CNTNAP5: variants seen among roughly 807,000 people sequenced by gnomAD.
CNTNAP5 encodes contactin associated protein family member 5.
A neutral mutation model predicts 150.2 loss-of-function variants in CNTNAP5; 72 were observed. That is an observed-to-expected ratio of 0.48 (90% confidence interval 0.40 to 0.58). The LOEUF is 0.58. Ranked by LOEUF, CNTNAP5 falls within the 20% of genes least tolerant of loss-of-function variation. CNTNAP5 has a pLI of 0.00. For missense variants in CNTNAP5, 1,636 were observed against 1,626.2 expected (o/e 1.01, Z -0.10); for synonymous variants, 672 against 619.8 (o/e 1.08, Z -1.25).
intron 1 of CNTNAP5, among the ~76,000 whole-genome samples, chr2:124,155,855 C>G (rs893587028): frequency 1.3e-5 from 2 of 152,166 alleles, no homozygotes; most frequent in Non-Finnish European, 2.9e-5. Flanking sequence ...ATCTGTGATA[C>G]TTCAGGGAAA....
rs548043190 is a variant in CNTNAP5 at position 124,769,648 on chromosome 2, T to G, written c.2534-3151T>G. 1.4e-4 allele frequency among the ~76,000 whole-genome samples: 22 copies of G among 152,324 alleles called. 1 individual carries two copies. In the South Asian group the frequency reaches 4.6e-3, roughly 32 times the overall value. On this transcript the variant is annotated intron_variant, in intron 16 of 23. Coordinates refer to ENST00000682447, the MANE Select transcript of CNTNAP5 (RefSeq NM_001367498.1). The stretch of plus-strand genomic sequence containing the variant: ...GGGCCACAGTGGGATGTATCATTCA[T>G]TCTCTCACATTGTTTTCAGGCATCT...
intron 6 of CNTNAP5, among the ~76,000 whole-genome samples, chr2:124,452,858 A>T (rs2104812474): frequency 6.6e-6 from 1 of 152,268 alleles, no homozygotes; most frequent in East Asian, 1.9e-4. Flanking sequence ...ACCCAGTGGG[A>T]CATAAGGAAC....
chr2:124,864,159 C>A (rs1294275361), intron 19 of CNTNAP5, among the ~76,000 whole-genome samples: 1 of 152,160 alleles, frequency 6.6e-6, no homozygotes, highest in Non-Finnish European at 1.5e-5. Flanking sequence ...AGTAGCATCT[C>A]AACAACTTAT....
At chr2:124,266,345 T>C (rs1418215684) in intron 3 of CNTNAP5, among the ~76,000 whole-genome samples, 2 of 152,180 alleles carry the variant, frequency 1.3e-5, no homozygotes, top group Non-Finnish European at 2.9e-5. Flanking sequence ...TATATTAAAC[T>C]GAGTGGATGA....
At chr2:124,566,054 C>T (rs183245685) in intron 11 of CNTNAP5, among the ~76,000 whole-genome samples, 43 of 151,458 alleles carry the variant, frequency 2.8e-4, no homozygotes, top group Non-Finnish European at 5.7e-4. Flanking sequence ...CCAGTAAACA[C>T]CAATCTCTAG....
At chr2:124,378,773 T>A (rs1248672239) in intron 3 of CNTNAP5, among the ~76,000 whole-genome samples, 1 of 152,168 alleles carries the variant, frequency 6.6e-6, no homozygotes, top group Non-Finnish European at 1.5e-5. Context: ...TGTTGGATGA[T>A]GCTCGTATCG....
At chr2:124,710,012 A>G (rs1257184626) in intron 13 of CNTNAP5, among the ~76,000 whole-genome samples, 1 of 146,856 alleles carries the variant, frequency 6.8e-6, no homozygotes, top group African/African-American at 2.4e-5. Context: ...CTACAAAATT[A>G]CAAAAAAAGT....
intron 3 of CNTNAP5, among the ~76,000 whole-genome samples, chr2:124,320,025 C>T (rs1689060716): frequency 3.3e-5 from 5 of 152,224 alleles, no homozygotes; most frequent in Admixed American, 3.3e-4. Flanking sequence ...TTAATGTCCA[C>T]AAAATCTTCC....
At chr2:124,259,306 C>T (rs182828697) in intron 3 of CNTNAP5, among the ~76,000 whole-genome samples, 38 of 152,068 alleles carry the variant, frequency 2.5e-4, no homozygotes, top group South Asian at 1.2e-3. Context: ...TGAGTAGTGC[C>T]GCAATAAACA....
At chr2:124,803,847 C>G (rs1682025538) in intron 19 of CNTNAP5, among the ~76,000 whole-genome samples, 3 of 152,168 alleles carry the variant, frequency 2.0e-5, no homozygotes, top group African/African-American at 7.2e-5. Flanking sequence ...CATCCCCTGC[C>G]ATTCCTGCTA....
At chr2:124,513,244 A>G (rs761991703) in intron 8 of CNTNAP5, among the ~76,000 whole-genome samples, 13 of 152,136 alleles carry the variant, frequency 8.5e-5, no homozygotes, top group Non-Finnish European at 1.6e-4. Context: ...CTGTCTTCAC[A>G]TGGTCTTTTC....
At chr2:124,055,627 G>C (rs896144645) in intron 1 of CNTNAP5, among the ~76,000 whole-genome samples, 1 of 54,138 alleles carries the variant, frequency 1.8e-5, no homozygotes, top group Admixed American at 1.9e-4. Context: ...TGGAAACTGA[G>C]AGAATCCCAA....
chr2:124,344,869 A>G (rs1689700594), intron 3 of CNTNAP5, among the ~76,000 whole-genome samples: 1 of 152,172 alleles, frequency 6.6e-6, no homozygotes, highest in Non-Finnish European at 1.5e-5. Context: ...AACTGGCATG[A>G]CTGTTGGGCT....
chr2:124,820,107 C>A (rs1682453282), intron 19 of CNTNAP5, among the ~76,000 whole-genome samples: 1 of 152,146 alleles, frequency 6.6e-6, no homozygotes. Context: ...ATTGTTTTTT[C>A]TTTCCTTACT....
chr2:124,261,997 A>C (rs1021986194), intron 3 of CNTNAP5, among the ~76,000 whole-genome samples: 2 of 152,058 alleles, frequency 1.3e-5, no homozygotes, highest in Non-Finnish European at 2.9e-5. Flanking sequence ...TAATCTCAGC[A>C]CTTTGAGAGG....
chr2:124,367,700 T>C (rs1690413375), intron 3 of CNTNAP5, among the ~76,000 whole-genome samples: 1 of 152,068 alleles, frequency 6.6e-6, no homozygotes, highest in African/African-American at 2.4e-5. Context: ...GGCCTTGAGG[T>C]TTAAAGTGTA....
chr2:124,887,491 T>G (rs1367703594), intron 21 of CNTNAP5, among the ~76,000 whole-genome samples: 3 of 152,098 alleles, frequency 2.0e-5, no homozygotes, highest in Non-Finnish European at 4.4e-5. Flanking sequence ...AGTTTTCTTA[T>G]CTGAAAACCA....
chr2:124,896,451 T>C (rs956226341), intron 21 of CNTNAP5, among the ~76,000 whole-genome samples: 11 of 151,614 alleles, frequency 7.3e-5, no homozygotes, highest in African/African-American at 2.7e-4. Flanking sequence ...CAGCCTTTCT[T>C]AAAGCAAGAA....
intron 22 of CNTNAP5, among the ~76,000 whole-genome samples, chr2:124,905,017 AG>A: frequency 6.7e-6 from 1 of 149,426 alleles, no homozygotes; most frequent in African/African-American, 2.4e-5. Flanking sequence ...AAGCATAAAA[AG>A]AATTAATATA....
Sources: gnomAD v4.1 joint callset for allele counts (sites outside exome capture counted in the v4.1 genomes callset) on GRCh38, gnomAD v4.1.1 for gene constraint, MANE v1.5 for transcripts, NCBI Gene and HGNC (gene_info 2026-07-23, HGNC 2026-07-21) for gene names.